The following PDE10A variants were observed in gnomAD, a reference collection of about 807,000 sequenced individuals.
PDE10A encodes cAMP and cAMP-inhibited cGMP 3',5'-cyclic phosphodiesterase 10A.
PDE10A carries 39 observed loss-of-function variants against 97.7 expected under a neutral mutation model. That is an observed-to-expected ratio of 0.40 (90% CI 0.31 to 0.52). PDE10A has a LOEUF of 0.52. Ranked by LOEUF, PDE10A falls within the 20% of genes least tolerant of loss-of-function variation. The pLI is 0.56. For synonymous variants in PDE10A, 371 were observed against 376.8 expected (o/e 0.98, Z 0.18); for missense variants, 731 against 1,047.8 (o/e 0.70, Z 4.17).
intron 1 of PDE10A, among the ~76,000 whole-genome samples, chr6:165,557,853 T>C (rs924627893): frequency 6.6e-6 from 1 of 152,176 alleles, no homozygotes; most frequent in Non-Finnish European, 1.5e-5. Flanking sequence ...CAAAGATGAA[T>C]AGTTAGTGGA....
At chr6:165,879,650 T>G (rs1020789795) in intron 1 of PDE10A, among the ~76,000 whole-genome samples, 1 of 152,212 alleles carries the variant, frequency 6.6e-6, no homozygotes, top group African/African-American at 2.4e-5. Flanking sequence ...GGTGCAGTGT[T>G]TGCATAACCT....
chr6:165,369,195 G>T (rs186014996), intron 18 of PDE10A, among the ~76,000 whole-genome samples: 1,590 of 152,254 alleles, frequency 0.01, 24 homozygotes, highest in Non-Finnish European at 0.015. Context: ...AAGGAACACA[G>T]TTCCTCACCA....
At chr6:165,363,966 T>C (rs1649192388) in intron 18 of PDE10A, among the ~76,000 whole-genome samples, 1 of 152,168 alleles carries the variant, frequency 6.6e-6, no homozygotes. Flanking sequence ...GATTCAACAT[T>C]TTCTGCATCA....
chr6:165,953,867 A>G (rs775709423), intron 1 of PDE10A, among the ~76,000 whole-genome samples: 1 of 152,186 alleles, frequency 6.6e-6, no homozygotes, highest in Non-Finnish European at 1.5e-5. Flanking sequence ...CATTTGAGTA[A>G]CATGCAAAAT....
At chr6:165,922,023 C>T (rs1020282694) in intron 1 of PDE10A, among the ~76,000 whole-genome samples, 3 of 152,020 alleles carry the variant, frequency 2.0e-5, no homozygotes, top group African/African-American at 7.2e-5. Context: ...TAGATGTGGA[C>T]ATAGTGAGAT....
chr6:165,413,759 T>C (rs1207602940), intron 12 of PDE10A, 72 bp from the exon 13 acceptor site: 9 of 1,236,400 alleles, frequency 7.3e-6, no homozygotes, highest in South Asian at 1.4e-5. Context: ...CAGTCAGTCA[T>C]AAATCTCCCC....
At chr6:165,799,669 T>G (rs1013122373) in intron 1 of PDE10A, among the ~76,000 whole-genome samples, 9 of 152,202 alleles carry the variant, frequency 5.9e-5, no homozygotes, top group African/African-American at 1.9e-4. Context: ...TCTTCTTAAG[T>G]AGACACTGTC....
chr6:165,950,345 A>G (rs1783914137), intron 1 of PDE10A, among the ~76,000 whole-genome samples: 1 of 152,182 alleles, frequency 6.6e-6, no homozygotes. Context: ...TCACAGTAAC[A>G]TGGTCTAGAG....
intron 1 of PDE10A, among the ~76,000 whole-genome samples, chr6:165,716,131 G>A (rs1347376035): frequency 1.3e-5 from 2 of 152,294 alleles, no homozygotes; most frequent in East Asian, 1.9e-4. Flanking sequence ...CTCAAACCCC[G>A]GCCCCAGCTA....
rs1785032966 is a variant in PDE10A at position 165,383,002 on chromosome 6, A to G, written c.2611-3636T>C. ...TAATATACAACAGCAAATTGTATCT[A>G]GTGCAGACGAATTGGAAGAACTCTC... On this transcript the variant is annotated intron_variant, in intron 17 of 21. Transcript: ENST00000539869. Among the ~76,000 whole-genome samples the G allele has an allele frequency of 2.0e-5, 3 of 152,202 alleles. No individual in the cohort carries two copies. In the South Asian group the frequency reaches 6.2e-4, roughly 32 times the overall value.
chr6:165,651,761 A>C (rs1487158654), intron 1 of PDE10A, among the ~76,000 whole-genome samples: 1 of 152,186 alleles, frequency 6.6e-6, no homozygotes, highest in African/African-American at 2.4e-5. Context: ...TTTGCATTTA[A>C]ATATACACAT....
chr6:165,792,055 C>A (rs960665009), intron 1 of PDE10A, among the ~76,000 whole-genome samples: 2 of 152,176 alleles, frequency 1.3e-5, no homozygotes, highest in African/African-American at 4.8e-5. Context: ...GCCTGCCTGC[C>A]GGTCATGGCT....
chr6:165,566,037 A>G (rs1451120375), intron 1 of PDE10A, among the ~76,000 whole-genome samples: 2 of 152,204 alleles, frequency 1.3e-5, no homozygotes, highest in African/African-American at 4.8e-5. Context: ...TACTTTTTAG[A>G]AGCAACACAA....
intron 1 of PDE10A, among the ~76,000 whole-genome samples, chr6:165,895,679 G>A (rs9459522): frequency 0.46 from 70,562 of 151,886 alleles, 16,640 homozygotes; most frequent in East Asian, 0.66. Context: ...AAGCCTGCAC[G>A]TGCCCAAGTC....
intron 3 of PDE10A, among the ~76,000 whole-genome samples, chr6:165,480,097 C>G (rs1382066036): frequency 6.6e-6 from 1 of 152,106 alleles, no homozygotes; most frequent in Admixed American, 6.5e-5. Context: ...TATAGTTTGT[C>G]CAAAGACTGT....
chr6:165,809,305 A>C (rs1159363576), intron 1 of PDE10A, among the ~76,000 whole-genome samples: 2 of 152,136 alleles, frequency 1.3e-5, no homozygotes, highest in Non-Finnish European at 2.9e-5. Flanking sequence ...TGCCCTCTAC[A>C]GTCAGTCCTC....
chr6:165,608,151 G>A (rs1218841539), intron 1 of PDE10A, among the ~76,000 whole-genome samples: 1 of 150,626 alleles, frequency 6.6e-6, no homozygotes, highest in African/African-American at 2.4e-5. Context: ...TAGGGTACAT[G>A]TGCACAACGT....
intron 13 of PDE10A, among the ~76,000 whole-genome samples, chr6:165,401,742 C>T (rs541484475): frequency 6.6e-6 from 1 of 152,164 alleles, no homozygotes. Flanking sequence ...GAGGAGACTG[C>T]TTCCTGGACA....
chr6:165,381,160 G>A (rs555667362), intron 17 of PDE10A, among the ~76,000 whole-genome samples: 7 of 152,270 alleles, frequency 4.6e-5, no homozygotes, highest in South Asian at 2.1e-4. Flanking sequence ...CCTTAGCCTA[G>A]GCTCTGTAAA....
Sources: allele counts gnomAD v4.1 joint callset (sites outside exome capture counted in the v4.1 genomes callset), GRCh38; gene constraint gnomAD v4.1.1; transcripts MANE v1.5; gene names NCBI Gene and HGNC (gene_info 2026-07-23, HGNC 2026-07-21).